The following JAKMIP2 variants were observed in gnomAD, a reference collection of about 807,000 sequenced individuals.
JAKMIP2 encodes the protein janus kinase and microtubule-interacting protein 2.
JAKMIP2 carries 25 observed loss-of-function variants against 115.0 expected under a neutral mutation model. The observed-to-expected ratio is 0.22, with a 90% confidence interval of 0.16 to 0.30. The LOEUF (loss-of-function observed/expected upper bound fraction) is 0.30. Ranked by LOEUF, JAKMIP2 falls within the 10% of genes least tolerant of loss-of-function variation. JAKMIP2 has a pLI of 1.00. For missense variants in JAKMIP2, 642 were observed against 957.6 expected (o/e 0.67, Z 4.35); for synonymous variants, 334 against 343.6 (o/e 0.97, Z 0.31).
chr5:147,661,847 C>G (rs746111450), intron 2 of JAKMIP2: 1 of 178,246 alleles, frequency 5.6e-6, no homozygotes, highest in Non-Finnish European at 1.2e-5. Context: ...TAGAAAGTAT[C>G]GCTATCATGG....
Position 147,586,290 on chromosome 5 carries a change from G to A in JAKMIP2, c.*5417C>T, listed in dbSNP as rs1754867773. ...ATCATACTATGTACAGAATATATCT[G>A]TGCATATATTTACATCACATATTTA... On this transcript the variant is annotated 3_prime_UTR_variant, in exon 22 of 22. Transcript: ENST00000616793. 1.3e-5 allele frequency: 2 copies of A among 152,068 alleles called. No individual in the cohort carries two copies. The highest frequency in any genetic ancestry group is 4.8e-5 in the African/African-American group (2 of 41,394). The allele number at this position is 152,068 out of a possible 1,614,324, so 9.4% of individuals were successfully genotyped here.
chr5:147,612,247 A>G, intron 20 of JAKMIP2, 59 bp downstream of exon 20: 1 of 1,156,374 alleles, frequency 8.6e-7, no homozygotes, highest in East Asian at 2.3e-5. Flanking sequence ...CAGTGAGCAA[A>G]ATCAATATTG....
At chr5:147,605,643 T>G (rs1755969895) in intron 20 of JAKMIP2, among the ~76,000 whole-genome samples, 1 of 152,204 alleles carries the variant, frequency 6.6e-6, no homozygotes, top group South Asian at 2.1e-4. Flanking sequence ...CATAATCCTT[T>G]GGGTTATATA....
At chr5:147,685,625 T>A (rs79269587) in intron 1 of JAKMIP2, among the ~76,000 whole-genome samples, 2,585 of 152,296 alleles carry the variant, frequency 0.017, 91 homozygotes, top group African/African-American at 0.058. Flanking sequence ...AGCAGTACCA[T>A]CTTCTTACTA....
chr5:147,710,756 G>C (rs774394544), intron 1 of JAKMIP2, among the ~76,000 whole-genome samples: 1 of 152,120 alleles, frequency 6.6e-6, no homozygotes, highest in Non-Finnish European at 1.5e-5. Flanking sequence ...ATTCACCAAG[G>C]CTCTGCTAAA....
At position 147,597,750 on chromosome 5, in the gene JAKMIP2, G is replaced by A. The variant is rs149381356; in HGVS notation, c.*20+3991C>T. Among the ~76,000 whole-genome samples, 243 of 152,206 alleles carry A rather than the reference G, an allele frequency of 1.6e-3. 2 individuals are homozygous for A. Among genetic ancestry groups the A allele is most frequent in the African/African-American group, 3.1e-3 (128 of 41,520 alleles). Reference sequence around the variant, plus strand: ...ACCATGTAATGTGACACAATGAGTCGTTGCTATGGCTTAAATGTGTCTCCC... The same window carrying A: ...ACCATGTAATGTGACACAATGAGTCATTGCTATGGCTTAAATGTGTCTCCC... On this transcript the variant is annotated intron_variant, in intron 21 of 21. Coordinates refer to ENST00000616793, the MANE Select transcript of JAKMIP2 (RefSeq NM_001270941.2).
chr5:147,656,695 A>T (rs1272897646), intron 3 of JAKMIP2, among the ~76,000 whole-genome samples: 1 of 152,198 alleles, frequency 6.6e-6, no homozygotes, highest in Non-Finnish European at 1.5e-5. Flanking sequence ...ATTTAAGGTT[A>T]ATATTGTTAT....
chr5:147,695,143 G>A (rs1417094481), intron 1 of JAKMIP2, among the ~76,000 whole-genome samples: 1 of 152,110 alleles, frequency 6.6e-6, no homozygotes, highest in Non-Finnish European at 1.5e-5. Flanking sequence ...TTAACACCCA[G>A]GACTCTTATG....
rs1221228285 is a variant in JAKMIP2, at chr5:147,590,106, T to G, written c.*1601A>C. 6.6e-6 allele frequency: 1 copy of G among 152,194 alleles called. No individual in the cohort carries two copies. Among genetic ancestry groups the G allele is most frequent in the African/African-American group, 2.4e-5 (1 of 41,452 alleles). 9.4% of individuals were successfully genotyped at this position (152,194 alleles called of 1,614,324 possible). The stretch of plus-strand genomic sequence containing the variant: ...TGGGACCCCAGCATTCTAGTTTTTA[T>G]TGTACATTCTTCAGTTATTGTTCTG... On this transcript the variant is annotated 3_prime_UTR_variant, in exon 22 of 22. Transcript: ENST00000616793.
At chr5:147,740,752 T>C (rs1754114267) in intron 1 of JAKMIP2, among the ~76,000 whole-genome samples, 1 of 152,210 alleles carries the variant, frequency 6.6e-6, no homozygotes, top group Non-Finnish European at 1.5e-5. Context: ...AGCATAGTGA[T>C]TGGCACTTAG....
intron 1 of JAKMIP2, among the ~76,000 whole-genome samples, chr5:147,695,738 A>G (rs1752081310): frequency 1.3e-5 from 2 of 151,852 alleles, no homozygotes; most frequent in South Asian, 4.2e-4. Context: ...GCAAATTCAG[A>G]AACTTTTCCC....
intron 12 of JAKMIP2, among the ~76,000 whole-genome samples, chr5:147,634,579 G>C (rs1372148681): frequency 6.6e-6 from 1 of 152,132 alleles, no homozygotes; most frequent in Non-Finnish European, 1.5e-5. Flanking sequence ...AGTGGTTAAC[G>C]AAACAATTAG....
chr5:147,747,511 C>T (rs1754391251), intron 1 of JAKMIP2, among the ~76,000 whole-genome samples: 1 of 152,116 alleles, frequency 6.6e-6, no homozygotes, highest in Non-Finnish European at 1.5e-5. Flanking sequence ...CTGATGCAGT[C>T]TCAGGGCCAC....
At chr5:147,623,917 C>A (rs1009462238) in intron 16 of JAKMIP2, among the ~76,000 whole-genome samples, 2 of 152,098 alleles carry the variant, frequency 1.3e-5, no homozygotes, top group Admixed American at 1.3e-4. Flanking sequence ...GCTCCTGCAA[C>A]CTCCGCCTCC....
intron 20 of JAKMIP2, among the ~76,000 whole-genome samples, chr5:147,605,691 A>T (rs1755972669): frequency 6.6e-6 from 1 of 152,170 alleles, no homozygotes; most frequent in African/African-American, 2.4e-5. Context: ...CCTTTGGGTT[A>T]TAAATCCAGT....
At chr5:147,777,309 G>A (rs1425924545) in intron 1 of JAKMIP2, among the ~76,000 whole-genome samples, 1 of 152,132 alleles carries the variant, frequency 6.6e-6, no homozygotes. Context: ...ACTCTCAAGT[G>A]GGGGAAAAAC....
chr5:147,687,266 A>G (rs959046216), intron 1 of JAKMIP2, among the ~76,000 whole-genome samples: 1 of 152,224 alleles, frequency 6.6e-6, no homozygotes, highest in African/African-American at 2.4e-5. Flanking sequence ...GGTGAGTGTT[A>G]AAAGTCATCT....
chr5:147,632,846 T>G, intron 12 of JAKMIP2, 68 bp from the exon 13 acceptor site: 1 of 953,724 alleles, frequency 1.0e-6, no homozygotes, highest in Non-Finnish European at 1.7e-6. Context: ...AAAGCATGAA[T>G]AGTGTTCAGT....
chr5:147,653,017 T>C (rs955112721), intron 3 of JAKMIP2, among the ~76,000 whole-genome samples: 1 of 152,194 alleles, frequency 6.6e-6, no homozygotes, highest in Non-Finnish European at 1.5e-5. Flanking sequence ...TTCATTCATG[T>C]CCCTACAAAG....
Sources: gnomAD v4.1 joint callset for allele counts (sites outside exome capture counted in the v4.1 genomes callset) on GRCh38, gnomAD v4.1.1 for gene constraint, MANE v1.5 for transcripts, NCBI Gene and HGNC (gene_info 2026-07-23, HGNC 2026-07-21) for gene names.